MUC13: variants seen among roughly 807,000 people sequenced by gnomAD.
MUC13 encodes the protein mucin-13.
In MUC13, 32 loss-of-function variants were observed where a neutral mutation model predicts 48.3. That is an observed-to-expected ratio of 0.66 (90% CI 0.50 to 0.89). MUC13 has a LOEUF of 0.89. MUC13 is among the 40% of genes least tolerant of loss of function. The probability of loss-of-function intolerance (pLI) is 0.00; values close to 1 mark genes in which losing one functional copy is unlikely to be tolerated. For synonymous variants in MUC13, 199 were observed against 224.9 expected (o/e 0.88, Z 1.03); for missense variants, 571 against 622.8 (o/e 0.92, Z 0.88).
chr3:124,907,945 A>C (rs2107666565), intron 11 of MUC13, among the ~76,000 whole-genome samples: 1 of 152,270 alleles, frequency 6.6e-6, no homozygotes, highest in Non-Finnish European at 1.5e-5. Flanking sequence ...AAATTAAGTG[A>C]TGTGTCTGTA....
chr3:124,931,332 G>A (rs1935792118), intron 1 of MUC13, among the ~76,000 whole-genome samples: 1 of 151,726 alleles, frequency 6.6e-6, no homozygotes, highest in Admixed American at 6.6e-5. Context: ...TTGGGAGGCT[G>A]AGACAGGAGA....
chr3:124,924,314 A>T lies in MUC13; in HGVS notation c.515-665T>A, dbSNP rs1579369472. Among the ~76,000 whole-genome samples the T allele has an allele frequency of 4.6e-5, 7 of 152,360 alleles. No individual in the cohort carries two copies. The South Asian group carries it at 1.5e-3, about 32-fold the overall frequency. On this transcript the variant is annotated intron_variant, in intron 2 of 11. Coordinates refer to ENST00000616727, the MANE Select transcript of MUC13 (RefSeq NM_033049.4). Reference sequence around the variant, plus strand: ...TTCTACACTGTGGGCTGAGACTCCCAGGCCAGGCAGGGTGTAGCATCTTTC... The same window carrying T: ...TTCTACACTGTGGGCTGAGACTCCCTGGCCAGGCAGGGTGTAGCATCTTTC...
intron 1 of MUC13, 86 bp from the exon 2 acceptor site, chr3:124,928,079 A>G (rs943220767): frequency 2.9e-5 from 26 of 884,136 alleles, no homozygotes; most frequent in Non-Finnish European, 4.1e-5. Flanking sequence ...TATCCAACTC[A>G]TTCTTTTTTT....
At chr3:124,923,881 T>A (rs963994542) in intron 2 of MUC13, among the ~76,000 whole-genome samples, 52 of 152,094 alleles carry the variant, frequency 3.4e-4, no homozygotes, top group African/African-American at 1.1e-3. Context: ...ATAGTAAAGA[T>A]CAGAGATTAG....
At chr3:124,929,024 C>T (rs1003136821) in intron 1 of MUC13, among the ~76,000 whole-genome samples, 1 of 152,174 alleles carries the variant, frequency 6.6e-6, no homozygotes, top group Non-Finnish European at 1.5e-5. Flanking sequence ...ATTCTAGATA[C>T]ATTGACTAAG....
chr3:124,923,124 C>G (rs1935630933), intron 3 of MUC13, among the ~76,000 whole-genome samples: 1 of 148,808 alleles, frequency 6.7e-6, no homozygotes, highest in Admixed American at 6.7e-5. Flanking sequence ...AAACAGAACT[C>G]AGACAGTCAG....
At chr3:124,916,665 T>C (rs4679166) in intron 5 of MUC13, among the ~76,000 whole-genome samples, 185 bp from the exon 6 acceptor site, 104,154 of 152,032 alleles carry the variant, frequency 0.69, 35,977 homozygotes, top group East Asian at 0.87. Context: ...TGGAGGTCTC[T>C]ATTTGATGTG....
intron 5 of MUC13, among the ~76,000 whole-genome samples, chr3:124,917,501 C>T (rs1424968930): frequency 6.6e-6 from 1 of 151,940 alleles, no homozygotes; most frequent in Non-Finnish European, 1.5e-5. Flanking sequence ...CACGCGCCAC[C>T]GTGCCCAGCT....
intron 3 of MUC13, 101 bp from the exon 4 acceptor site, chr3:124,922,404 A>G: frequency 4.4e-6 from 6 of 1,374,560 alleles, no homozygotes; most frequent in Non-Finnish European, 5.8e-6. Context: ...CCAACATTAT[A>G]TAACGACACT....
rs570683526 is a variant in MUC13, at chr3:124,919,649, G to A, written c.800+585C>T. Among the ~76,000 whole-genome samples the A allele has an allele frequency of 8.5e-5, 13 of 152,300 alleles. No homozygotes were observed. In the East Asian group the frequency reaches 2.5e-3, roughly 29 times the overall value. On this transcript the variant is annotated intron_variant, in intron 5 of 11. Coordinates refer to ENST00000616727, the MANE Select transcript of MUC13 (RefSeq NM_033049.4). ...AGTACGTGTGTATTAATGTGCTCCA[G>A]AGGAGGCTGAGATGCAATTGCTAAT...
intron 10 of MUC13, among the ~76,000 whole-genome samples, chr3:124,909,802 C>T (rs1466611617): frequency 1.3e-5 from 2 of 151,992 alleles, no homozygotes; most frequent in Admixed American, 1.3e-4. Flanking sequence ...TTGACAACTT[C>T]AGTGGAGTTA....
chr3:124,925,222 A>C (rs575560576), intron 2 of MUC13, among the ~76,000 whole-genome samples: 1 of 152,364 alleles, frequency 6.6e-6, no homozygotes, highest in Non-Finnish European at 1.5e-5. Context: ...CAATCTCGAA[A>C]GGCTACATAA....
chr3:124,916,307 C>T lies in MUC13; in HGVS notation c.964+10G>A, dbSNP rs771317955. 3.1e-6 allele frequency: 5 copies of T among 1,601,770 alleles called. No homozygotes were observed. The highest frequency in any genetic ancestry group is 1.1e-5 in the South Asian group (1 of 89,358). On this transcript the variant is annotated intron_variant, in intron 6 of 11. Coordinates refer to ENST00000616727, the MANE Select transcript of MUC13 (RefSeq NM_033049.4). ...CAGGTGAACTTTGAATAAAATTATA[C>T]AATACTTACAATCATAGTTTAGAAA...
At chr3:124,923,387 T>C in intron 3 of MUC13, 140 bp downstream of exon 3, 2 of 844,846 alleles carry the variant, frequency 2.4e-6, no homozygotes, top group Non-Finnish European at 3.6e-6. Flanking sequence ...CACTTTTCTC[T>C]ACTTTGCTGG....
At chr3:124,920,139 C>T (rs1384715428) in intron 5 of MUC13, 95 bp downstream of exon 5, 3 of 1,041,250 alleles carry the variant, frequency 2.9e-6, no homozygotes, top group Admixed American at 4.1e-5. Flanking sequence ...TGTGACTTGC[C>T]ACAGAGGGCC....
At chr3:124,926,486 T>G (rs1054586505) in intron 2 of MUC13, among the ~76,000 whole-genome samples, 5 of 152,122 alleles carry the variant, frequency 3.3e-5, no homozygotes, top group African/African-American at 4.8e-5. Flanking sequence ...CATGAAAGAT[T>G]GGGGAAAGAG....
At chr3:124,931,616 C>T (rs984690623) in intron 1 of MUC13, among the ~76,000 whole-genome samples, 1 of 151,882 alleles carries the variant, frequency 6.6e-6, no homozygotes, top group East Asian at 1.9e-4. Flanking sequence ...GGCGTGGTGG[C>T]AGGCACCTAT....
chr3:124,932,290 G>A (rs1419203713), intron 1 of MUC13, among the ~76,000 whole-genome samples: 3 of 152,110 alleles, frequency 2.0e-5, no homozygotes, highest in Non-Finnish European at 2.9e-5. Context: ...TCCAGGCTGG[G>A]CGTGGTGGCT....
At position 124,906,054 on chromosome 3, in the gene MUC13, A is replaced by AT. The variant is rs1935311629; in HGVS notation, c.*688dup. The AT allele has an allele frequency of 6.6e-6, 1 of 152,522 alleles. No homozygotes were observed. Among genetic ancestry groups the AT allele is most frequent in the Admixed American group, 6.6e-5 (1 of 15,264 alleles). 9.4% of individuals were successfully genotyped at this position (152,522 alleles called of 1,614,324 possible). On this transcript the variant is annotated 3_prime_UTR_variant, in exon 12 of 12. Coordinates refer to ENST00000616727, the MANE Select transcript of MUC13 (RefSeq NM_033049.4). ...CTGTAGAGTGCACCCCATAGTGGAC[A>AT]TTTTTAGTCCAGGCCTTCTAATTAG...
Sources: gnomAD v4.1 joint callset for allele counts (sites outside exome capture counted in the v4.1 genomes callset) on GRCh38, gnomAD v4.1.1 for gene constraint, MANE v1.5 for transcripts, NCBI Gene and HGNC (gene_info 2026-07-23, HGNC 2026-07-21) for gene names.